Variants in RHOJ observed in about 807,000 individuals in gnomAD.
The protein encoded by RHOJ is rho-related GTP-binding protein RhoJ.
In RHOJ, 11 loss-of-function variants were observed where a neutral mutation model predicts 23.4. That is an observed-to-expected ratio of 0.47 (90% CI 0.30 to 0.78). The LOEUF is 0.78. RHOJ is among the 30% of genes least tolerant of loss of function. The pLI is 0.08. For missense variants in RHOJ, 254 were observed against 273.4 expected (o/e 0.93, Z 0.50); for synonymous variants, 102 against 102.7 (o/e 0.99, Z 0.04).
intron 1 of RHOJ, among the ~76,000 whole-genome samples, chr14:63,226,876 A>G (rs1353714593): frequency 1.3e-5 from 2 of 152,242 alleles, no homozygotes; most frequent in African/African-American, 2.4e-5. Context: ...AGCATGTTAT[A>G]TATTACTAAG....
rs78386056 is a variant in RHOJ at position 63,223,849 on chromosome 14, A to G, written c.178+18802A>G. On this transcript the variant is annotated intron_variant, in intron 1 of 4. Coordinates refer to ENST00000316754, the MANE Select transcript of RHOJ (RefSeq NM_020663.5). ...TTTTTTTCCATGAAAGCTCTTTAAA[A>G]GTTTTTATAGTCTCATTTCATAGTC... Among the ~76,000 whole-genome samples the G allele has an allele frequency of 4.0e-3, 606 of 152,342 alleles. 13 individuals carry two copies. The East Asian group carries it at 0.054, about 14-fold the overall frequency.
chr14:63,272,771 A>T (rs1178790362), intron 2 of RHOJ, among the ~76,000 whole-genome samples: 1 of 152,210 alleles, frequency 6.6e-6, no homozygotes, highest in African/African-American at 2.4e-5. Flanking sequence ...CATGCCTGTA[A>T]TCCCAGCACT....
chr14:63,221,980 C>G (rs1459688193), intron 1 of RHOJ, among the ~76,000 whole-genome samples: 5 of 114,468 alleles, frequency 4.4e-5, no homozygotes, highest in Admixed American at 1.1e-4. Flanking sequence ...CCCCTCCCCC[C>G]ACCCAAAAAC....
In RHOJ at chr14:63,230,191, A is replaced by G. The variant is rs969631544; in HGVS notation, c.178+25144A>G. ...AGACTGAACAACAAAAAACGTTAAAAAAAAAAACTAGTAAGTCCAATTTCT... is the reference window on the plus strand; with the variant it reads ...AGACTGAACAACAAAAAACGTTAAAGAAAAAAACTAGTAAGTCCAATTTCT... On this transcript the variant is annotated intron_variant, in intron 1 of 4. Coordinates refer to ENST00000316754, the MANE Select transcript of RHOJ (RefSeq NM_020663.5). Among the ~76,000 whole-genome samples the G allele has an allele frequency of 5.3e-5, 8 of 151,950 alleles. No homozygotes were observed. In the East Asian group the frequency reaches 9.6e-4, roughly 18 times the overall value.
chr14:63,256,693 A>G (rs1391648245), intron 1 of RHOJ, among the ~76,000 whole-genome samples: 1 of 152,124 alleles, frequency 6.6e-6, no homozygotes, highest in African/African-American at 2.4e-5. Context: ...TAATCCTAAC[A>G]CTTTGGCAGG....
chr14:63,259,144 T>C (rs948124286), intron 1 of RHOJ, among the ~76,000 whole-genome samples: 1 of 152,218 alleles, frequency 6.6e-6, no homozygotes, highest in African/African-American at 2.4e-5. Flanking sequence ...TTTGCCATGT[T>C]GGCCAGGCTG....
chr14:63,248,680 A>G (rs1265108031), intron 1 of RHOJ, among the ~76,000 whole-genome samples: 1 of 152,236 alleles, frequency 6.6e-6, no homozygotes, highest in Non-Finnish European at 1.5e-5. Context: ...ATTTATTGGC[A>G]TGGTGGAGCC....
intron 1 of RHOJ, among the ~76,000 whole-genome samples, chr14:63,233,991 A>G (rs772774765): frequency 2.0e-5 from 3 of 152,194 alleles, no homozygotes; most frequent in Non-Finnish European, 2.9e-5. Context: ...ACCCAAGTGA[A>G]CCCTGGGATT....
chr14:63,262,105 C>G (rs937387870), intron 1 of RHOJ, among the ~76,000 whole-genome samples: 4 of 152,180 alleles, frequency 2.6e-5, no homozygotes, highest in Non-Finnish European at 5.9e-5. Flanking sequence ...CAACATTTCT[C>G]TTGAAAGCCA....
intron 1 of RHOJ, among the ~76,000 whole-genome samples, chr14:63,245,562 G>A (rs1894962158): frequency 6.6e-6 from 1 of 152,140 alleles, no homozygotes; most frequent in South Asian, 2.1e-4. Flanking sequence ...GGGGGCTGAG[G>A]AGGGAGGATC....
chr14:63,237,927 T>C (rs1894817864), intron 1 of RHOJ, among the ~76,000 whole-genome samples: 1 of 152,152 alleles, frequency 6.6e-6, no homozygotes, highest in South Asian at 2.1e-4. Flanking sequence ...TTCTTGCCGC[T>C]TACGCCTGGT....
intron 1 of RHOJ, among the ~76,000 whole-genome samples, chr14:63,241,237 G>C (rs1459868622): frequency 6.6e-6 from 1 of 152,262 alleles, no homozygotes; most frequent in South Asian, 2.1e-4. Context: ...CAAAAATTCA[G>C]TGTCATCCTA....
chr14:63,261,685 C>A (rs1895275710), intron 1 of RHOJ, among the ~76,000 whole-genome samples: 1 of 151,942 alleles, frequency 6.6e-6, no homozygotes, highest in Non-Finnish European at 1.5e-5. Flanking sequence ...AAGCAATCCT[C>A]CTGCCTCAGC....
chr14:63,221,761 A>G (rs1387269106), intron 1 of RHOJ, among the ~76,000 whole-genome samples: 1 of 152,236 alleles, frequency 6.6e-6, no homozygotes, highest in Non-Finnish European at 1.5e-5. Flanking sequence ...GATTCACTAC[A>G]TAATGGGCGC....
chr14:63,260,316 A>G (rs1408617073), intron 1 of RHOJ, among the ~76,000 whole-genome samples: 1 of 152,084 alleles, frequency 6.6e-6, no homozygotes, highest in Admixed American at 6.6e-5. Context: ...CAGTTTATAA[A>G]CCTCCACTGC....
At chr14:63,206,891 A>C (rs2139723617) in intron 1 of RHOJ, among the ~76,000 whole-genome samples, 1 of 152,318 alleles carries the variant, frequency 6.6e-6, no homozygotes, top group East Asian at 1.9e-4. Context: ...GCATTCCTAA[A>C]CATGGTTACT....
chr14:63,277,441 T>G (rs547304081), intron 2 of RHOJ, among the ~76,000 whole-genome samples: 1 of 152,284 alleles, frequency 6.6e-6, no homozygotes, highest in African/African-American at 2.4e-5. Flanking sequence ...AGGCCCACTC[T>G]CCAGAGATTC....
At chr14:63,207,183 A>C (rs1003223819) in intron 1 of RHOJ, among the ~76,000 whole-genome samples, 1 of 151,648 alleles carries the variant, frequency 6.6e-6, no homozygotes, top group Non-Finnish European at 1.5e-5. Context: ...AGGCGCACGC[A>C]ACCATGCCTG....
At chr14:63,281,207 A>G (rs1881889453) in intron 3 of RHOJ, 72 bp downstream of exon 3, 10 of 1,435,554 alleles carry the variant, frequency 7.0e-6, no homozygotes, top group Non-Finnish European at 9.4e-6. Context: ...CCTCGTGAAC[A>G]TCCTATTCTG....
Sources: gnomAD v4.1 joint callset for allele counts (sites outside exome capture counted in the v4.1 genomes callset) on GRCh38, gnomAD v4.1.1 for gene constraint, MANE v1.5 for transcripts, NCBI Gene and HGNC (gene_info 2026-07-23, HGNC 2026-07-21) for gene names.